PBX3: variants seen among roughly 807,000 people sequenced by gnomAD.
PBX3 encodes pre-B-cell leukemia transcription factor 3.
PBX3 carries 14 observed loss-of-function variants against 48.5 expected under a neutral mutation model. That is an observed-to-expected ratio of 0.29 (90% CI 0.19 to 0.45). The LOEUF is 0.45. PBX3 is among the 20% of genes least tolerant of loss of function. The pLI, the probability that PBX3 is intolerant of heterozygous loss-of-function variation, is 1.00. For synonymous variants in PBX3, 210 were observed against 200.3 expected, an observed-to-expected ratio of 1.05 and a Z score of -0.41; for missense variants, 386 against 546.7, an observed-to-expected ratio of 0.71 and a Z score of 2.93.
At chr9:125,836,292 A>G (rs1457640518) in intron 2 of PBX3, among the ~76,000 whole-genome samples, 3 of 152,180 alleles carry the variant, frequency 2.0e-5, no homozygotes, top group East Asian at 3.8e-4. Context: ...AAAAATACAA[A>G]AAATTAGCCG....
intron 3 of PBX3, among the ~76,000 whole-genome samples, chr9:125,928,145 T>A (rs1486495359): frequency 6.6e-6 from 1 of 151,742 alleles, no homozygotes; most frequent in African/African-American, 2.4e-5. Flanking sequence ...ATCACACCAC[T>A]GCACTCCAAC....
chr9:125,885,425 AT>A (rs1258297066), intron 2 of PBX3, among the ~76,000 whole-genome samples: 1 of 152,148 alleles, frequency 6.6e-6, no homozygotes, highest in Non-Finnish European at 1.5e-5. Context: ...ACATATATAG[AT>A]TATTCCCGTC....
chr9:125,904,809 A>G (rs552958708), intron 2 of PBX3, among the ~76,000 whole-genome samples: 1 of 152,006 alleles, frequency 6.6e-6, no homozygotes, highest in East Asian at 1.9e-4. Flanking sequence ...GTGAAGAGGA[A>G]GAGGGTGGAT....
chr9:125,955,435 T>A (rs1431933594), intron 5 of PBX3, among the ~76,000 whole-genome samples: 4 of 152,154 alleles, frequency 2.6e-5, no homozygotes, highest in African/African-American at 9.7e-5. Context: ...GTAGAATAGG[T>A]TTCTCTTCCC....
chr9:125,929,528 T>G, intron 3 of PBX3, 127 bp from the exon 4 acceptor site: 1 of 606,170 alleles, frequency 1.6e-6, no homozygotes, highest in South Asian at 2.7e-5. Flanking sequence ...TGTCTTAGTT[T>G]TCATTTTACC....
chr9:125,800,397 C>T (rs1837904978), intron 2 of PBX3, among the ~76,000 whole-genome samples: 1 of 152,204 alleles, frequency 6.6e-6, no homozygotes, highest in African/African-American at 2.4e-5. Flanking sequence ...AGTTCTTACA[C>T]TGTAATGTTG....
chr9:125,948,405 A>G (rs1045806148), intron 5 of PBX3, among the ~76,000 whole-genome samples: 1 of 152,230 alleles, frequency 6.6e-6, no homozygotes, highest in African/African-American at 2.4e-5. Context: ...TTTTCTGACT[A>G]CAGTGGAATC....
intron 2 of PBX3, among the ~76,000 whole-genome samples, chr9:125,786,755 C>T (rs112434946): frequency 4.0e-5 from 6 of 148,274 alleles, no homozygotes; most frequent in East Asian, 2.0e-4. Context: ...GATGGAGTTT[C>T]GCTCTGTCAC....
chr9:125,793,704 A>G (rs1189684903), intron 2 of PBX3, among the ~76,000 whole-genome samples: 1 of 152,152 alleles, frequency 6.6e-6, no homozygotes, highest in Non-Finnish European at 1.5e-5. Flanking sequence ...TGCTGGGATT[A>G]CAGGCACGAG....
intron 2 of PBX3, among the ~76,000 whole-genome samples, chr9:125,832,490 C>G (rs1254273554): frequency 6.6e-6 from 1 of 152,202 alleles, no homozygotes; most frequent in Admixed American, 6.5e-5. Context: ...CCCCTGCGCC[C>G]AGCCTAATGG....
chr9:125,914,850 A>G, intron 2 of PBX3, among the ~76,000 whole-genome samples: 1 of 152,228 alleles, frequency 6.6e-6, no homozygotes, highest in Non-Finnish European at 1.5e-5. Flanking sequence ...TGTTGTTGAA[A>G]ACATTTTGGC....
At chr9:125,860,497 A>G (rs569718102) in intron 2 of PBX3, among the ~76,000 whole-genome samples, 1 of 152,352 alleles carries the variant, frequency 6.6e-6, no homozygotes, top group East Asian at 1.9e-4. Flanking sequence ...TGTAAAATCT[A>G]ATGGCCAACC....
chr9:125,794,445 A>T (rs1837717639), intron 2 of PBX3, among the ~76,000 whole-genome samples: 1 of 152,150 alleles, frequency 6.6e-6, no homozygotes, highest in South Asian at 2.1e-4. Flanking sequence ...TCTTGAAGTG[A>T]GGTTGGTGAA....
intron 1 of PBX3, chr9:125,748,249 G>T: frequency 9.6e-7 from 1 of 1,040,650 alleles, no homozygotes; most frequent in Non-Finnish European, 1.2e-6. Flanking sequence ...CCCCTCCCCC[G>T]GGTCGCCTTC....
chr9:125,917,358 T>A (rs1841357167), intron 3 of PBX3, among the ~76,000 whole-genome samples: 1 of 152,178 alleles, frequency 6.6e-6, no homozygotes, highest in Admixed American at 6.5e-5. Context: ...TTGTTAAAAT[T>A]GATTAACCTA....
intron 8 of PBX3, 74 bp downstream of exon 8, chr9:125,963,175 A>G (rs555367872): frequency 8.0e-6 from 6 of 750,550 alleles, no homozygotes; most frequent in African/African-American, 7.0e-5. Flanking sequence ...ATTAATAGCC[A>G]TTTGACCTGG....
At chr9:125,747,683 T>G in intron 1 of PBX3, 30 bp downstream of exon 1, 4 of 1,525,540 alleles carry the variant, frequency 2.6e-6, no homozygotes, top group Non-Finnish European at 2.7e-6. Flanking sequence ...GCATCTTTTG[T>G]GTGTGTGCGG....
At chr9:125,894,230 G>A (rs1840717322) in intron 2 of PBX3, among the ~76,000 whole-genome samples, 1 of 152,106 alleles carries the variant, frequency 6.6e-6, no homozygotes, top group Non-Finnish European at 1.5e-5. Flanking sequence ...TAGAAGGTGG[G>A]ACAACTGTGT....
chr9:125,794,884 A>G (rs899439600), intron 2 of PBX3, among the ~76,000 whole-genome samples: 20 of 152,168 alleles, frequency 1.3e-4, no homozygotes, highest in African/African-American at 4.8e-4. Context: ...CTGGCTAGGC[A>G]ACCCTTCCAT....
Sources: allele counts gnomAD v4.1 joint callset (sites outside exome capture counted in the v4.1 genomes callset), GRCh38; gene constraint gnomAD v4.1.1; transcripts MANE v1.5; gene names NCBI Gene and HGNC (gene_info 2026-07-23, HGNC 2026-07-21).